RBFOX1: variants seen among roughly 807,000 people sequenced by gnomAD.
The protein encoded by RBFOX1 is RNA binding fox-1 homolog 1.
A neutral mutation model predicts 57.7 loss-of-function variants in RBFOX1; 8 were observed. The ratio of observed to expected loss-of-function variants is 0.14; its 90% CI spans 0.08 to 0.25. The LOEUF (loss-of-function observed/expected upper bound fraction) is 0.25. Among genes scored for constraint, RBFOX1 ranks in the 10% least tolerant of loss-of-function variants. RBFOX1 has a pLI of 1.00. For synonymous variants in RBFOX1, 326 were observed against 222.4 expected (o/e 1.47, Z -4.15); for missense variants, 611 against 548.5 (o/e 1.11, Z -1.14).
intron 4 of RBFOX1, among the ~76,000 whole-genome samples, chr16:7,169,075 G>C (rs545079344): frequency 6.6e-6 from 1 of 152,294 alleles, no homozygotes; most frequent in East Asian, 1.9e-4. Context: ...GTGGAGGGAG[G>C]AAGTAGGCAA....
At chr16:6,613,002 CATGTGT>C (rs1309911088) in intron 2 of RBFOX1, among the ~76,000 whole-genome samples, 5 of 116,946 alleles carry the variant, frequency 4.3e-5, no homozygotes, top group African/African-American at 6.7e-5. Flanking sequence ...CCAGTCCCAG[CATGTGT>C]GTGTGTGTGT....
chr16:7,028,607 C>CAAA (rs1418374574), intron 3 of RBFOX1, among the ~76,000 whole-genome samples: 1 of 47,894 alleles, frequency 2.1e-5, no homozygotes, highest in Non-Finnish European at 3.4e-5. Context: ...CACACACACA[C>CAAA]ACAAAAAAAA....
rs145586158 is a variant in RBFOX1, at chr16:7,016,460, C to T, written c.-15-35597C>T. Among the ~76,000 whole-genome samples the T allele has an allele frequency of 3.9e-3, 588 of 152,216 alleles. 1 individual carries two copies. The highest frequency in any genetic ancestry group is 6.3e-3 in the Non-Finnish European group (431 of 68,014). Reference sequence around the variant, plus strand: ...CTGGGCTCATGTTTCTCACTTGTTTCGGGACGTAACCTAAGTCACTGAACT... The same window carrying T: ...CTGGGCTCATGTTTCTCACTTGTTTTGGGACGTAACCTAAGTCACTGAACT... On this transcript the variant is annotated intron_variant, in intron 3 of 15. Coordinates refer to ENST00000550418, the MANE Select transcript of RBFOX1 (RefSeq NM_018723.4).
intron 6 of RBFOX1, among the ~76,000 whole-genome samples, chr16:7,583,292 T>C (rs927047428): frequency 6.6e-6 from 1 of 152,142 alleles, no homozygotes; most frequent in Non-Finnish European, 1.5e-5. Flanking sequence ...GTGGCATTGA[T>C]ATTAAATGGT....
intron 1 of RBFOX1, among the ~76,000 whole-genome samples, chr16:5,343,616 C>T (rs918750368): frequency 2.0e-4 from 30 of 152,222 alleles, no homozygotes; most frequent in Non-Finnish European, 2.6e-4. Context: ...CCACTGCGCC[C>T]GGCCACTTCT....
chr16:5,549,936 G>A (rs990707688), intron 2 of RBFOX1, among the ~76,000 whole-genome samples: 1 of 152,156 alleles, frequency 6.6e-6, no homozygotes, highest in Non-Finnish European at 1.5e-5. Flanking sequence ...GCTGGTAGAT[G>A]TTTGCATGTG....
chr16:5,581,682 G>A (rs1313565614), intron 2 of RBFOX1, among the ~76,000 whole-genome samples: 2 of 152,168 alleles, frequency 1.3e-5, no homozygotes, highest in Non-Finnish European at 2.9e-5. Context: ...ATGGGAACAG[G>A]GAACTCTCCA....
intron 3 of RBFOX1, among the ~76,000 whole-genome samples, chr16:5,780,322 T>C (rs965071373): frequency 2.6e-5 from 4 of 152,240 alleles, no homozygotes; most frequent in African/African-American, 9.6e-5. Flanking sequence ...TTATTATCTT[T>C]CTTACCTTTC....
intron 3 of RBFOX1, among the ~76,000 whole-genome samples, chr16:6,802,764 G>C (rs74686686): frequency 0.02 from 3,044 of 152,292 alleles, 110 homozygotes; most frequent in African/African-American, 0.069. Context: ...GTTGTTGTAA[G>C]AATCTGATTG....
chr16:6,271,963 C>G (rs574048501), intron 1 of RBFOX1, among the ~76,000 whole-genome samples: 29 of 152,060 alleles, frequency 1.9e-4, no homozygotes, highest in Admixed American at 1.9e-3. Flanking sequence ...GCTAGAATTA[C>G]CCTGACAGTG....
chr16:7,225,352 G>A (rs1309966148), intron 4 of RBFOX1, among the ~76,000 whole-genome samples: 1 of 152,086 alleles, frequency 6.6e-6, no homozygotes, highest in Non-Finnish European at 1.5e-5. Flanking sequence ...TGTCCTCATG[G>A]TAGTAAGTTT....
chr16:5,889,744 G>A (rs1224334909), intron 4 of RBFOX1, among the ~76,000 whole-genome samples: 1 of 152,302 alleles, frequency 6.6e-6, no homozygotes, highest in African/African-American at 2.4e-5. Flanking sequence ...CCTGGGGTTG[G>A]GGAAGGCCTC....
intron 3 of RBFOX1, among the ~76,000 whole-genome samples, chr16:5,754,482 A>G (rs1270797445): frequency 6.7e-6 from 1 of 148,244 alleles, no homozygotes; most frequent in Non-Finnish European, 1.5e-5. Flanking sequence ...CAAAGTATAG[A>G]GAAAGAAATA....
chr16:5,894,459 G>A (rs986383198), intron 4 of RBFOX1, among the ~76,000 whole-genome samples: 2 of 151,920 alleles, frequency 1.3e-5, no homozygotes, highest in South Asian at 4.2e-4. Flanking sequence ...ATTTTTAGTA[G>A]AGATAGGGTT....
intron 4 of RBFOX1, among the ~76,000 whole-genome samples, chr16:5,917,512 C>A (rs758486606): frequency 1.3e-5 from 2 of 152,264 alleles, no homozygotes; most frequent in South Asian, 2.1e-4. Flanking sequence ...TCAAAGAAGA[C>A]GGGAATTCCC....
At chr16:5,434,758 C>T (rs1328317727) in intron 1 of RBFOX1, among the ~76,000 whole-genome samples, 1 of 152,150 alleles carries the variant, frequency 6.6e-6, no homozygotes, top group Non-Finnish European at 1.5e-5. Flanking sequence ...TGTCCTTTGT[C>T]TTATCTGGCT....
intron 4 of RBFOX1, among the ~76,000 whole-genome samples, chr16:7,468,524 C>G (rs1045894189): frequency 3.1e-4 from 43 of 139,110 alleles, no homozygotes; most frequent in African/African-American, 8.8e-4. Flanking sequence ...CCTTCTATTT[C>G]TCTATGAAGT....
intron 3 of RBFOX1, among the ~76,000 whole-genome samples, chr16:6,681,027 T>G (rs944669496): frequency 6.6e-6 from 1 of 152,162 alleles, no homozygotes; most frequent in African/African-American, 2.4e-5. Context: ...GAAATCTGTT[T>G]AGGCTGGGCA....
At chr16:7,382,227 C>G (rs962681850) in intron 4 of RBFOX1, among the ~76,000 whole-genome samples, 3 of 152,166 alleles carry the variant, frequency 2.0e-5, no homozygotes, top group African/African-American at 4.8e-5. Context: ...TTAAACTAAT[C>G]CTATCTGGAC....
Sources: gnomAD v4.1 joint callset for allele counts (sites outside exome capture counted in the v4.1 genomes callset) on GRCh38, gnomAD v4.1.1 for gene constraint, MANE v1.5 for transcripts, NCBI Gene and HGNC (gene_info 2026-07-23, HGNC 2026-07-21) for gene names.